SLC4A9: variants seen among roughly 807,000 people sequenced by gnomAD.
SLC4A9 encodes the protein anion exchange protein 4.
Under a neutral mutation model 103.2 loss-of-function variants are expected in SLC4A9, and 102 were observed. The ratio of observed to expected loss-of-function variants is 0.99; its 90% CI spans 0.84 to 1.17. The LOEUF is 1.17. Ranked by LOEUF, SLC4A9 falls within the 50% of genes most tolerant of loss-of-function variation. SLC4A9 has a pLI of 0.00. For missense variants in SLC4A9, 1,091 were observed against 1,193.7 expected (o/e 0.91, Z 1.27); for synonymous variants, 453 against 483.6 (o/e 0.94, Z 0.83).
At chr5:140,370,271 C>A (rs1324250752) in intron 17 of SLC4A9, among the ~76,000 whole-genome samples, 2 of 151,804 alleles carry the variant, frequency 1.3e-5, no homozygotes, top group Non-Finnish European at 2.9e-5. Flanking sequence ...CGAGTCTAGC[C>A]TGGCCAACAT....
At chr5:140,370,651 G>A (rs549165455) in intron 17 of SLC4A9, among the ~76,000 whole-genome samples, 14 of 152,260 alleles carry the variant, frequency 9.2e-5, no homozygotes, top group African/African-American at 3.1e-4. Context: ...GGAGGCATGA[G>A]TAATAAGAAT....
At chr5:140,366,311 C>A in intron 14 of SLC4A9, 47 bp downstream of exon 14, 1 of 1,336,880 alleles carries the variant, frequency 7.5e-7, no homozygotes, top group South Asian at 1.3e-5. Context: ...GAAAGCAGGG[C>A]CAGCAGACCA....
chr5:140,367,871 G>T lies in SLC4A9; in HGVS notation c.2327G>T (p.Gly776Val). The T allele has an allele frequency of 6.2e-7, 1 of 1,613,916 alleles. No homozygotes were observed. The highest frequency in any genetic ancestry group is 8.5e-7 in the Non-Finnish European group (1 of 1,179,852). The change falls in exon 16 of 22, where the codon GGG (glycine) becomes GTG (valine). Residue 776 changes from glycine (G) to valine (V), a missense_variant. Physicochemically the swap from Gly to Val is moderately radical, Grantham distance 109. Coordinates refer to ENST00000506757, the MANE Select transcript of SLC4A9 (RefSeq NM_031467.3). ...LRRESRACAPGERPNFLGIRE... is the reference protein window; with the variant it reads ...LRRESRACAPVERPNFLGIRE... ...AGAGAGAGCAGAGCCTGTGCCCCCG[G>T]GGAGCGCCCCAACTTCCTGGGTATC... is the stretch of plus-strand genomic sequence containing the variant.
At chr5:140,362,673 G>A in intron 6 of SLC4A9, 141 bp downstream of exon 6, 1 of 1,025,862 alleles carries the variant, frequency 9.7e-7, no homozygotes, top group East Asian at 2.5e-5. Flanking sequence ...ATGAGGCACA[G>A]TGAGCACTGA....
chr5:140,365,959 T>G lies in SLC4A9; in HGVS notation c.1836T>G (p.Leu612=), dbSNP rs1480493016. Residue 612 remains leucine, a synonymous_variant, in exon 13 of 22, where the codon CTT becomes CTG. Coordinates refer to ENST00000506757, the MANE Select transcript of SLC4A9 (RefSeq NM_031467.3). ...CCTTCTTCTCCCTTCTCCTCTTCCT[T>G]ACTTCTTTCTTCTTTGCTATGGCCC... The part of the protein sequence containing the change: ...DIAFFSLLLF[L]TSFFFAMALK... 3 of 1,614,018 alleles carry G rather than the reference T, an allele frequency of 1.9e-6. No homozygotes were observed. The highest frequency in any genetic ancestry group is 2.5e-6 in the Non-Finnish European group (3 of 1,179,872).
intron 2 of SLC4A9, 23 bp from the exon 3 acceptor site, chr5:140,361,231 A>G (rs1399715279): frequency 1.3e-6 from 2 of 1,543,040 alleles, no homozygotes; most frequent in Non-Finnish European, 1.8e-6. Context: ...CAGGAAGGAG[A>G]TGACCCCCAA....
chr5:140,370,735 G>A (rs1350380527), intron 17 of SLC4A9, among the ~76,000 whole-genome samples: 5 of 152,090 alleles, frequency 3.3e-5, no homozygotes, highest in Non-Finnish European at 7.4e-5. Context: ...GCTTTGCAAG[G>A]GGTAGGAACA....
chr5:140,372,059 G>T (rs1379992720), intron 19 of SLC4A9, among the ~76,000 whole-genome samples, 183 bp from the exon 20 acceptor site: 1 of 152,196 alleles, frequency 6.6e-6, no homozygotes, highest in East Asian at 1.9e-4. Flanking sequence ...ATCACTTGGG[G>T]TCTCAGTTTC....
chr5:140,369,223 C>T (rs1768336611), intron 17 of SLC4A9, among the ~76,000 whole-genome samples: 1 of 148,920 alleles, frequency 6.7e-6, no homozygotes, highest in Non-Finnish European at 1.5e-5. Flanking sequence ...CGCTTGAGCC[C>T]AGGAGTTTGA....
At chr5:140,371,732 T>C in intron 19 of SLC4A9, 108 bp downstream of exon 19, 1 of 1,276,566 alleles carries the variant, frequency 7.8e-7, no homozygotes, top group East Asian at 2.5e-5. Flanking sequence ...TCTCACTCGC[T>C]GTGGCTCTCC....
Position 140,371,175 on chromosome 5 carries a change from A to G in SLC4A9, c.2496+12A>G. On this transcript the variant is annotated intron_variant, in intron 18 of 21. Transcript: ENST00000506757. ...TCAGCAGCATTCAGGTGAGCCCATT[A>G]AAATCACCTAACAAAAGAAAAAAGA... is the stretch of plus-strand genomic sequence containing the variant. The G allele has an allele frequency of 6.2e-7, 1 of 1,604,532 alleles. No individual in the cohort carries two copies. The highest frequency in any genetic ancestry group is 8.5e-7 in the Non-Finnish European group (1 of 1,174,960).
intron 14 of SLC4A9, 27 bp downstream of exon 14, chr5:140,366,291 G>T: frequency 6.6e-7 from 1 of 1,511,086 alleles, no homozygotes; most frequent in South Asian, 1.2e-5. Context: ...AGGGTTGGGG[G>T]ACCAGAGGGG....
At chr5:140,362,204 G>A (rs887480602) in intron 5 of SLC4A9, 30 bp downstream of exon 5, 6 of 1,495,866 alleles carry the variant, frequency 4.0e-6, no homozygotes, top group Non-Finnish European at 5.3e-6. Context: ...GGGAGTCAGG[G>A]ATCCCAGAAC....
intron 17 of SLC4A9, among the ~76,000 whole-genome samples, chr5:140,369,083 G>A (rs1025531137): frequency 6.6e-6 from 1 of 152,126 alleles, no homozygotes; most frequent in Admixed American, 6.5e-5. Context: ...AGCACTTTGG[G>A]AGGCTGAGGT....
At chr5:140,362,816 C>G (rs1001122601) in intron 6 of SLC4A9, 96 bp from the exon 7 acceptor site, 2 of 1,467,996 alleles carry the variant, frequency 1.4e-6, no homozygotes, top group African/African-American at 2.8e-5. Flanking sequence ...GACTTGTCTG[C>G]CTCTGTGACT....
intron 14 of SLC4A9, among the ~76,000 whole-genome samples, chr5:140,366,691 C>T (rs1232329908): frequency 6.6e-6 from 1 of 152,208 alleles, no homozygotes; most frequent in Non-Finnish European, 1.5e-5. Context: ...AAAGCACTTA[C>T]CACATGCCTG....
At position 140,365,867 on chromosome 5, in the gene SLC4A9, C is replaced by T. The variant is rs1256298919; in HGVS notation, c.1744C>T (p.Pro582Ser). The T allele has an allele frequency of 6.2e-7, 1 of 1,613,946 alleles. No individual in the cohort carries two copies. Among genetic ancestry groups the T allele is most frequent in the South Asian group, 1.1e-5 (1 of 91,074 alleles). ...CCTGATCAATGCATCCTTGCTGCCG[C>T]CACCTGAGTGCACCCGGCAGGGAGG... ...LGLINASLLP[P>S]PECTRQGGHP... The change falls in exon 13 of 22, where the codon CCA becomes TCA. Residue 582 changes from proline to serine, a missense_variant. Transcript: ENST00000506757.
At chr5:140,372,658 G>T (rs1453623003) in intron 20 of SLC4A9, 87 bp from the exon 21 acceptor site, 2 of 1,451,682 alleles carry the variant, frequency 1.4e-6, no homozygotes, top group Admixed American at 5.7e-5. Flanking sequence ...TCTTTGTTTT[G>T]TCTCACTGTG....
intron 11 of SLC4A9, 111 bp downstream of exon 11, chr5:140,364,736 A>C: frequency 7.6e-7 from 1 of 1,309,802 alleles, no homozygotes; most frequent in Admixed American, 2.3e-5. Flanking sequence ...CTGCATACTT[A>C]CCCAATAACT....
Sources: gnomAD v4.1 joint callset for allele counts (sites outside exome capture counted in the v4.1 genomes callset) on GRCh38, gnomAD v4.1.1 for gene constraint, MANE v1.5 for transcripts, NCBI Gene and HGNC (gene_info 2026-07-23, HGNC 2026-07-21) for gene names.